The following CCDC125 variants were observed in gnomAD, a reference collection of about 807,000 sequenced individuals.
CCDC125 encodes coiled-coil domain-containing protein 125.
A neutral mutation model predicts 57.4 loss-of-function variants in CCDC125; 43 were observed. The observed-to-expected ratio is 0.75, with a 90% CI of 0.59 to 0.97. The LOEUF (loss-of-function observed/expected upper bound fraction) is 0.97. Ranked by LOEUF, CCDC125 falls within the 50% of genes least tolerant of loss-of-function variation. The probability of loss-of-function intolerance (pLI) is 0.00; values close to 1 mark genes in which losing one functional copy is unlikely to be tolerated. For synonymous variants in CCDC125, 187 were observed against 195.2 expected (o/e 0.96, Z 0.35); for missense variants, 563 against 595.7 (o/e 0.95, Z 0.57).
chr5:69,292,451 C>A, intron 9 of CCDC125, 89 bp from the exon 10 acceptor site: 3 of 865,640 alleles, frequency 3.5e-6, no homozygotes, highest in South Asian at 3.2e-5. Context: ...TATGCAATCT[C>A]ACTGCCTAGC....
intron 10 of CCDC125, among the ~76,000 whole-genome samples, chr5:69,291,743 C>T (rs1485354717): frequency 6.6e-6 from 1 of 152,152 alleles, no homozygotes. Flanking sequence ...TTAATTTGTC[C>T]AACTTAAGGT....
chr5:69,329,035 C>T (rs745796965), intron 1 of CCDC125, among the ~76,000 whole-genome samples: 11 of 152,128 alleles, frequency 7.2e-5, no homozygotes, highest in African/African-American at 2.4e-4. Context: ...CCTCATGATC[C>T]GCTGGCCTCG....
At chr5:69,321,985 C>T (rs969336731) in intron 1 of CCDC125, among the ~76,000 whole-genome samples, 1 of 152,134 alleles carries the variant, frequency 6.6e-6, no homozygotes, top group Admixed American at 6.5e-5. Flanking sequence ...TACAACCATG[C>T]GCCACCATGC....
At chr5:69,276,278 C>G (rs2150247228), downstream of CCDC125, among the ~76,000 whole-genome samples, 1 of 152,330 alleles carries the variant, frequency 6.6e-6, no homozygotes, top group South Asian at 2.1e-4. Context: ...ATCCACCCGC[C>G]TCAGCCTCCC....
chr5:69,286,391 C>A (rs1181659191), intron 10 of CCDC125, among the ~76,000 whole-genome samples: 1 of 151,188 alleles, frequency 6.6e-6, no homozygotes, highest in African/African-American at 2.4e-5. Context: ...GCCACCACGT[C>A]CGGCTAATTT....
chr5:69,299,235 A>G (rs932997882), intron 8 of CCDC125, among the ~76,000 whole-genome samples: 9 of 151,404 alleles, frequency 5.9e-5, no homozygotes, highest in African/African-American at 1.2e-4. Flanking sequence ...TCAGCCTCCC[A>G]AGTAGCTGGG....
Position 69,286,188 on chromosome 5 carries a change from CTATATATATATATATA to C in CCDC125, c.1100-737_1100-722del, listed in dbSNP as rs59035946. On this transcript the variant is annotated intron_variant, in intron 10 of 11. Transcript: ENST00000396496. ...ACTTAAAAACAGTTCAAATGGTAAA[CTATATATATATATATA>C]TATATATATATATATATATATATAT... Among the ~76,000 whole-genome samples, 350 of 51,332 alleles carry C rather than the reference CTATATATATATATATA, an allele frequency of 6.8e-3. 1 individual carries two copies. The highest frequency in any genetic ancestry group is 0.035 in the East Asian group (64 of 1,808). 33.7% of individuals were successfully genotyped at this position (51,332 alleles called of 152,430 possible). A position where few individuals can be genotyped will look rare whatever the true frequency, so the allele number is the denominator to read the frequency against.
At chr5:69,300,449 G>A (rs909717467) in intron 7 of CCDC125, among the ~76,000 whole-genome samples, 1 of 152,126 alleles carries the variant, frequency 6.6e-6, no homozygotes, top group East Asian at 1.9e-4. Context: ...AGACTTTATG[G>A]TTAGTGAGAA....
chr5:69,293,013 T>C lies in CCDC125; in HGVS notation c.925-651A>G, dbSNP rs140723585. 6.9e-4 allele frequency among the ~76,000 whole-genome samples: 105 copies of C among 151,948 alleles called. 1 individual carries two copies. The East Asian group carries it at 0.016, about 23-fold the overall frequency. On this transcript the variant is annotated intron_variant, in intron 9 of 11. Coordinates refer to ENST00000396496, the MANE Select transcript of CCDC125 (RefSeq NM_176816.5). ...ATGTTGCCACGCCTGGCTAATTTTT[T>C]GTATTTTAGTAGAGATGGGGTTTCA...
At chr5:69,301,027 G>A (rs1302799678) in intron 7 of CCDC125, among the ~76,000 whole-genome samples, 1 of 138,556 alleles carries the variant, frequency 7.2e-6, no homozygotes, top group Admixed American at 7.7e-5. Context: ...AATCAGCCAG[G>A]AAGTTGCAGT....
At chr5:69,329,946 A>G (rs1258875679) in intron 1 of CCDC125, among the ~76,000 whole-genome samples, 1 of 152,200 alleles carries the variant, frequency 6.6e-6, no homozygotes, top group African/African-American at 2.4e-5. Flanking sequence ...TGTAGGATGA[A>G]TAGATTACAG....
chr5:69,306,837 A>G lies in CCDC125; in HGVS notation c.597T>C (p.Ser199=), dbSNP rs1382727882. The part of the protein sequence containing the change: ...DHNRFKNIEE[S]WIQKYDRLNC... ...CAAACCTGTCATATTTTTGGATCCAAGATTCCTCTATATTTTTAAATCTAT... is the reference window on the plus strand; with the variant it reads ...CAAACCTGTCATATTTTTGGATCCAGGATTCCTCTATATTTTTAAATCTAT... The change falls in exon 6 of 12, where the codon TCT becomes TCC. Residue 199 remains serine (S), a synonymous_variant. Transcript: ENST00000396496. 4.0e-6 allele frequency: 6 copies of G among 1,505,258 alleles called. No individual in the cohort carries two copies. The highest frequency in any genetic ancestry group is 1.4e-5 in the African/African-American group (1 of 70,188). 93.2% of individuals were successfully genotyped at this position (1,505,258 alleles called of 1,614,324 possible).
chr5:69,328,704 T>C (rs6865493), intron 1 of CCDC125, among the ~76,000 whole-genome samples: 143,909 of 152,174 alleles, frequency 0.95, 68,316 homozygotes, highest in East Asian at 1. Context: ...TTAACAGTAC[T>C]ACAAAATCTA....
Position 69,327,134 on chromosome 5 carries a change from G to T in CCDC125, c.-41+5515C>A, listed in dbSNP as rs563752378. On this transcript the variant is annotated intron_variant, in intron 1 of 11. Coordinates refer to ENST00000396496, the MANE Select transcript of CCDC125 (RefSeq NM_176816.5). ...TTTTGAGACAGCGTCTTGCTCTGTC[G>T]CCCAGGCTGGAGTGCCCTGGCGAGA... Among the ~76,000 whole-genome samples, 7 of 137,674 alleles carry T rather than the reference G, an allele frequency of 5.1e-5. No individual in the cohort carries two copies. In the South Asian group the frequency reaches 1.3e-3, roughly 26 times the overall value. 90.3% of individuals were successfully genotyped at this position (137,674 alleles called of 152,430 possible). A position where few individuals can be genotyped will look rare whatever the true frequency, so the allele number is the denominator to read the frequency against.
At chr5:69,286,082 G>C (rs1188125941) in intron 10 of CCDC125, among the ~76,000 whole-genome samples, 1 of 150,498 alleles carries the variant, frequency 6.6e-6, no homozygotes, top group Non-Finnish European at 1.5e-5. Flanking sequence ...CATGGGACAG[G>C]GTCTCTGTAA....
At chr5:69,300,177 C>A (rs1390431528) in intron 7 of CCDC125, 50 bp from the exon 8 acceptor site, 7 of 1,263,570 alleles carry the variant, frequency 5.5e-6, no homozygotes, top group Non-Finnish European at 8.1e-6. Flanking sequence ...TAACTCCACC[C>A]TCATCCAATC....
Position 69,305,093 on chromosome 5 carries a change from A to G in CCDC125, c.618-1164T>C, listed in dbSNP as rs145025655. On this transcript the variant is annotated intron_variant, in intron 6 of 11. Transcript: ENST00000396496. The stretch of plus-strand genomic sequence containing the variant: ...AAAAAAAGATACATAGGGTACACCC[A>G]TGTTCATAGCAGCATCATGCAAAAT... Among the ~76,000 whole-genome samples the G allele has an allele frequency of 9.4e-3, 1,433 of 152,296 alleles. 21 individuals are homozygous for G. Among genetic ancestry groups the G allele is most frequent in the South Asian group, 0.043 (209 of 4,822 alleles).
rs775328446 is a variant in CCDC125 at position 69,292,204 on chromosome 5, C to A, written c.1083G>T (p.Lys361Asn). ...HKKATKWMNW[K>N]HLKEDGFPSP... ...CATAGTTACCATCCTCTTTAAGGTG[C>A]TTCCAATTCATCCATTTTGTTGCTT... Residue 361 changes from lysine to asparagine, a missense_variant, in exon 10 of 12, where the codon AAG (lysine) becomes AAT (asparagine). Lys to Asn is a moderately conservative substitution (Grantham distance 94). Transcript: ENST00000396496. The A allele has an allele frequency of 4.3e-6, 7 of 1,612,824 alleles. No homozygotes were observed. In the South Asian group the frequency reaches 7.7e-5, roughly 18 times the overall value.
chr5:69,279,750 G>A (rs945732767), downstream of CCDC125, among the ~76,000 whole-genome samples: 11 of 152,158 alleles, frequency 7.2e-5, no homozygotes, highest in Admixed American at 7.2e-4. Flanking sequence ...AGATAATAGC[G>A]CCAAAGGGAT....
Sources: gnomAD v4.1 joint callset for allele counts (sites outside exome capture counted in the v4.1 genomes callset) on GRCh38, gnomAD v4.1.1 for gene constraint, MANE v1.5 for transcripts, NCBI Gene and HGNC (gene_info 2026-07-23, HGNC 2026-07-21) for gene names.